The following GTPBP8 variants were observed in gnomAD, a reference collection of about 807,000 sequenced individuals.
The protein encoded by GTPBP8 is GTP binding protein 8, also known as GTP-binding protein 8.
A neutral mutation model predicts 27.3 loss-of-function variants in GTPBP8; 21 were observed. The ratio of observed to expected loss-of-function variants is 0.77; its 90% CI spans 0.55 to 1.11. GTPBP8 has a LOEUF of 1.11. Among genes scored for constraint, GTPBP8 ranks in the 50% least tolerant of loss-of-function variants. The pLI, the probability that GTPBP8 is intolerant of heterozygous loss-of-function variation, is 0.00. For synonymous variants in GTPBP8, 147 were observed against 135.3 expected (o/e 1.09, Z -0.60); for missense variants, 380 against 350.8 (o/e 1.08, Z -0.67).
At position 113,000,672 on chromosome 3, in the gene GTPBP8, A is replaced by G. The variant is rs559176103; in HGVS notation, c.786-178A>G. Reference sequence around the variant, plus strand: ...GGAAATGGATCAGATAATATTGATCATCAGATTTTAGAATACTACAAGACG... The same window carrying G: ...GGAAATGGATCAGATAATATTGATCGTCAGATTTTAGAATACTACAAGACG... On this transcript the variant is annotated intron_variant, in intron 5 of 5. Coordinates refer to ENST00000383678, the MANE Select transcript of GTPBP8 (RefSeq NM_014170.4). Among the ~76,000 whole-genome samples, 8 of 152,350 alleles carry G rather than the reference A, an allele frequency of 5.3e-5. No individual in the cohort carries two copies. In the South Asian group the frequency reaches 1.7e-3, roughly 32 times the overall value.
chr3:113,001,124 G>T lies in GTPBP8; in HGVS notation c.*205G>T, dbSNP rs1004368416. On this transcript the variant is annotated 3_prime_UTR_variant, in exon 6 of 6. Transcript: ENST00000383678. ...AAAGTTTGTAAGTTATTGAATTATGGTGTTCATTAGAACAGCTACTAGCTG... is the reference window on the plus strand; with the variant it reads ...AAAGTTTGTAAGTTATTGAATTATGTTGTTCATTAGAACAGCTACTAGCTG... 2.0e-6 allele frequency: 1 copy of T among 500,814 alleles called. No individual in the cohort carries two copies. Among genetic ancestry groups the T allele is most frequent in the Non-Finnish European group, 3.5e-6 (1 of 282,744 alleles). The allele number at this position is 500,814 out of a possible 1,614,324, so 31.0% of individuals were successfully genotyped here. A position where few individuals can be genotyped will look rare whatever the true frequency, so the allele number is the denominator to read the frequency against.
At chr3:112,991,388 G>C in intron 1 of GTPBP8, 53 bp downstream of exon 1, 1 of 1,509,548 alleles carries the variant, frequency 6.6e-7, no homozygotes, top group Non-Finnish European at 9.2e-7. Context: ...AGCGCTAACC[G>C]CTTCCCTGGC....
chr3:112,997,261 G>C (rs1429567092), intron 4 of GTPBP8, among the ~76,000 whole-genome samples: 1 of 152,100 alleles, frequency 6.6e-6, no homozygotes. Flanking sequence ...CCTAGATACT[G>C]TTCATATTTT....
intron 5 of GTPBP8, 97 bp downstream of exon 5, chr3:112,999,661 T>A: frequency 3.2e-6 from 2 of 631,168 alleles, no homozygotes; most frequent in Non-Finnish European, 5.7e-6. Context: ...GGGAACAGGT[T>A]TTTGGTTGCA....
chr3:112,996,984 CT>C lies in GTPBP8; in HGVS notation c.661del (p.Tyr221MetfsTer2). ...GAAATGTGTGAAGAATTTGCATTAC[CT>C]TATGTGGTAAGTACTTCCTTTGAAT... ...AIEMCEEFAL[P>X]YVIVLTKIDK... On this transcript the variant is annotated frameshift_variant, in exon 4 of 6. Transcript: ENST00000383678. LOFTEE classifies it high-confidence loss of function. 1 of 1,455,446 alleles carries C rather than the reference CT, an allele frequency of 6.9e-7. No homozygotes were observed. Among genetic ancestry groups the C allele is most frequent in the Non-Finnish European group, 9.6e-7 (1 of 1,036,976 alleles). 90.2% of individuals were successfully genotyped at this position (1,455,446 alleles called of 1,614,324 possible).
At position 112,999,480 on chromosome 3, in the gene GTPBP8, G is replaced by T; in HGVS notation, c.701G>T (p.Gly234Val). 6.6e-7 allele frequency: 1 copy of T among 1,522,240 alleles called. No homozygotes were observed. The highest frequency in any genetic ancestry group is 9.0e-7 in the Non-Finnish European group (1 of 1,114,768). The allele number at this position is 1,522,240 out of a possible 1,614,324, so 94.3% of individuals were successfully genotyped here. A position where few individuals can be genotyped will look rare whatever the true frequency, so the allele number is the denominator to read the frequency against. ...VLTKIDKSSK[G>V]HLLKQVLQIQ... Reference sequence around the variant, plus strand: ...ACAAAAATTGACAAATCTTCCAAGGGACATCTTTTAAAACAAGTGCTTCAG... The same window carrying T: ...ACAAAAATTGACAAATCTTCCAAGGTACATCTTTTAAAACAAGTGCTTCAG... Residue 234 changes from glycine (G) to valine (V), a missense_variant, in exon 5 of 6, where the codon GGA becomes GTA. Physicochemically the swap from Gly to Val is moderately radical, Grantham distance 109. Coordinates refer to ENST00000383678, the MANE Select transcript of GTPBP8 (RefSeq NM_014170.4).
intron 1 of GTPBP8, chr3:112,991,873 A>G (rs550436174): frequency 2.9e-4 from 73 of 253,334 alleles, no homozygotes; most frequent in African/African-American, 1.5e-3. Flanking sequence ...AATAATCTCT[A>G]GATGGCAATA....
At chr3:112,993,630 G>A (rs1933727871) in intron 2 of GTPBP8, among the ~76,000 whole-genome samples, 2 of 152,164 alleles carry the variant, frequency 1.3e-5, no homozygotes, top group Admixed American at 1.3e-4. Context: ...CAACGACGCA[G>A]TCTCTGCCAA....
chr3:112,991,108 C>G lies in GTPBP8; in HGVS notation c.109C>G (p.Leu37Val). Residue 37 changes from leucine (L) to valine (V), a missense_variant, in exon 1 of 6, where the codon CTG becomes GTG. Physicochemically the swap from Leu to Val is conservative, Grantham distance 32. Coordinates refer to ENST00000383678, the MANE Select transcript of GTPBP8 (RefSeq NM_014170.4). ...NSTSQAFAEV[L>V]RLPKQQLRKL... The stretch of plus-strand genomic sequence containing the variant: ...CACGTCCCAAGCTTTTGCTGAGGTG[C>G]TGCGGCTGCCGAAGCAGCAGCTGAG... The G allele has an allele frequency of 6.2e-7, 1 of 1,612,960 alleles. No individual in the cohort carries two copies. The highest frequency in any genetic ancestry group is 1.7e-5 in the Admixed American group (1 of 60,020).
rs1933903732 is a variant in GTPBP8 at position 113,001,260 on chromosome 3, T to C, written c.*341T>C. On this transcript the variant is annotated 3_prime_UTR_variant, in exon 6 of 6. Coordinates refer to ENST00000383678, the MANE Select transcript of GTPBP8 (RefSeq NM_014170.4). Reference sequence around the variant, plus strand: ...TTGGGCTTTTGTCTTTTAAAGAATATGTCTACTATGGGTATTTTTTTTTTA... The same window carrying C: ...TTGGGCTTTTGTCTTTTAAAGAATACGTCTACTATGGGTATTTTTTTTTTA... 6.3e-6 allele frequency: 1 copy of C among 159,462 alleles called. No homozygotes were observed. The highest frequency in any genetic ancestry group is 2.4e-5 in the African/African-American group (1 of 41,332). 9.9% of individuals were successfully genotyped at this position (159,462 alleles called of 1,614,324 possible).
At position 112,991,185 on chromosome 3, in the gene GTPBP8, G is replaced by C; in HGVS notation, c.186G>C (p.Gly62=). 6.2e-7 allele frequency: 1 copy of C among 1,614,166 alleles called. No individual in the cohort carries two copies. The highest frequency in any genetic ancestry group is 1.1e-5 in the South Asian group (1 of 91,088). The change falls in exon 1 of 6, where the codon GGG becomes GGC. Residue 62 remains glycine (G), a synonymous_variant. Coordinates refer to ENST00000383678, the MANE Select transcript of GTPBP8 (RefSeq NM_014170.4). ...QEVERFLAPY[G]RQDLHLRIFD... ...TAGAGCGGTTCCTCGCCCCCTACGGGAGGCAAGACCTTCACCTGCGTATCT... is the reference window on the plus strand; with the variant it reads ...TAGAGCGGTTCCTCGCCCCCTACGGCAGGCAAGACCTTCACCTGCGTATCT...
Position 113,000,833 on chromosome 3 carries a change from CTCTTT to C in GTPBP8, c.786-9_786-5del, listed in dbSNP as rs766159310. 7 of 1,499,062 alleles carry C rather than the reference CTCTTT, an allele frequency of 4.7e-6. No individual in the cohort carries two copies. Among genetic ancestry groups the C allele is most frequent in the South Asian group, 1.2e-5 (1 of 85,110 alleles). 92.9% of individuals were successfully genotyped at this position (1,499,062 alleles called of 1,614,324 possible). A position where few individuals can be genotyped will look rare whatever the true frequency, so the allele number is the denominator to read the frequency against. Reference sequence around the variant, plus strand: ...TCTGAGGAAAGGAAGAAAATTATTTCTCTTTTCTTTTCACAGTGCTGTGACCTTTT... The same window carrying C: ...TCTGAGGAAAGGAAGAAAATTATTTCTCTTTTCACAGTGCTGTGACCTTTT... On this transcript the variant is annotated splice_polypyrimidine_tract_variant and intron_variant, in intron 5 of 5. Transcript: ENST00000383678.
Position 112,992,631 on chromosome 3 carries a change from G to C in GTPBP8, c.337-395G>C, listed in dbSNP as rs1324660035. ...AACATGTAGTTGTACTTTTCATCTA[G>C]TTCTGTTGAACTACATCTAGTTTTT... On this transcript the variant is annotated intron_variant, in intron 1 of 5. Transcript: ENST00000383678. The C allele has an allele frequency of 1.9e-5, 3 of 158,574 alleles. No individual in the cohort carries two copies. In the Admixed American group the frequency reaches 1.9e-4, roughly 10 times the overall value. 9.8% of individuals were successfully genotyped at this position (158,574 alleles called of 1,614,324 possible). A position where few individuals can be genotyped will look rare whatever the true frequency, so the allele number is the denominator to read the frequency against.
Position 112,999,446 on chromosome 3 carries a change from A to T in GTPBP8, c.667A>T (p.Ile223Phe). The change falls in exon 5 of 6, where the codon ATT becomes TTT. Residue 223 changes from isoleucine to phenylalanine, a missense_variant and splice_region_variant. Ile to Phe is a conservative substitution (Grantham distance 21, BLOSUM62 0). Coordinates refer to ENST00000383678, the MANE Select transcript of GTPBP8 (RefSeq NM_014170.4). The part of the protein sequence containing the change: ...MCEEFALPYV[I>F]VLTKIDKSSK... ...TGCATAAAAATTTGTTTTCTTATAG[A>T]TTGTATTAACAAAAATTGACAAATC... is the stretch of plus-strand genomic sequence containing the variant. The T allele has an allele frequency of 1.6e-6, 2 of 1,222,680 alleles. No homozygotes were observed. The allele number at this position is 1,222,680 out of a possible 1,614,324, so 75.7% of individuals were successfully genotyped here. A position where few individuals can be genotyped will look rare whatever the true frequency, so the allele number is the denominator to read the frequency against.
intron 2 of GTPBP8, among the ~76,000 whole-genome samples, chr3:112,993,792 C>A (rs1298632887): frequency 6.6e-6 from 1 of 152,188 alleles, no homozygotes; most frequent in East Asian, 1.9e-4. Context: ...GGAACCCTTC[C>A]ATGAGACTTC....
chr3:112,991,491 C>G (rs750542284), intron 1 of GTPBP8, 156 bp downstream of exon 1: 6 of 741,630 alleles, frequency 8.1e-6, no homozygotes, highest in Non-Finnish European at 1.4e-5. Context: ...TCGATGCTCC[C>G]TGTACGTGGG....
At position 112,991,210 on chromosome 3, in the gene GTPBP8, T is replaced by C; in HGVS notation, c.211T>C (p.Phe71Leu). 6.2e-7 allele frequency: 1 copy of C among 1,614,172 alleles called. No homozygotes were observed. The highest frequency in any genetic ancestry group is 1.1e-5 in the South Asian group (1 of 91,084). Residue 71 changes from phenylalanine to leucine, a missense_variant, in exon 1 of 6, where the codon TTT (phenylalanine) becomes CTT (leucine). Coordinates refer to ENST00000383678, the MANE Select transcript of GTPBP8 (RefSeq NM_014170.4). ...GAGGCAAGACCTTCACCTGCGTATC[T>C]TTGACCCAAGCCCGGAGGACATAGC... is the stretch of plus-strand genomic sequence containing the variant. ...YGRQDLHLRI[F>L]DPSPEDIARA... is the part of the protein sequence containing the mutation.
rs774484563 is a variant in GTPBP8, at chr3:112,991,121, A to AGCAGC, written c.123_127dup (p.Gln43ArgfsTer4). ...TTTGCTGAGGTGCTGCGGCTGCCGA[A>AGCAGC]GCAGCAGCTGAGGAAGCTGCTGTAC... On this transcript the variant is annotated frameshift_variant, in exon 1 of 6. Coordinates refer to ENST00000383678, the MANE Select transcript of GTPBP8 (RefSeq NM_014170.4). LOFTEE classifies it high-confidence loss of function. 1 of 1,613,678 alleles carries AGCAGC rather than the reference A, an allele frequency of 6.2e-7. No homozygotes were observed.
chr3:113,000,898 T>A lies in GTPBP8; in HGVS notation c.834T>A (p.Ser278Arg). The A allele has an allele frequency of 6.3e-7, 1 of 1,592,664 alleles. No individual in the cohort carries two copies. Among genetic ancestry groups the A allele is most frequent in the Non-Finnish European group, 8.6e-7 (1 of 1,164,086 alleles). Residue 278 changes from serine (S) to arginine (R), a missense_variant, in exon 6 of 6, where the codon AGT (serine) becomes AGA (arginine). Coordinates refer to ENST00000383678, the MANE Select transcript of GTPBP8 (RefSeq NM_014170.4). The stretch of plus-strand genomic sequence containing the variant: ...ACCTGTTGAGATGCTTTATAGCCAG[T>A]GTAACAGGAAGTCTTGACTAATGGT... ...GIHLLRCFIA[S>R]VTGSLD
Sources: gnomAD v4.1 joint callset for allele counts (sites outside exome capture counted in the v4.1 genomes callset) on GRCh38, gnomAD v4.1.1 for gene constraint, MANE v1.5 for transcripts, NCBI Gene and HGNC (gene_info 2026-07-23, HGNC 2026-07-21) for gene names.